Variants in DLGAP1 observed in about 807,000 individuals in gnomAD.
DLGAP1 encodes the protein disks large-associated protein 1.
DLGAP1 carries 11 observed loss-of-function variants against 90.8 expected under a neutral mutation model. The ratio of observed to expected loss-of-function variants is 0.12; its 90% CI spans 0.08 to 0.20. The LOEUF (loss-of-function observed/expected upper bound fraction) is 0.20, where lower values mean the gene tolerates loss of function less well. Among genes scored for constraint, DLGAP1 ranks in the 10% least tolerant of loss-of-function variants. The pLI is 1.00. For synonymous variants in DLGAP1, 558 were observed against 540.7 expected (o/e 1.03, Z -0.44); for missense variants, 1,050 against 1,333.8 (o/e 0.79, Z 3.31).
rs143074593 is a variant in DLGAP1, at chr18:4,206,295, C to T, written c.-266-55008G>A. 7.2e-4 allele frequency among the ~76,000 whole-genome samples: 109 copies of T among 152,124 alleles called. 6 individuals are homozygous for T. The highest frequency in any genetic ancestry group is 5.8e-3 in the East Asian group (30 of 5,170). On this transcript the variant is annotated intron_variant, in intron 1 of 12. Coordinates refer to ENST00000315677, the MANE Select transcript of DLGAP1 (RefSeq NM_004746.4). ...AAGCATTGTGAGTTTCTCATGATTCCGGAAGTTTTTAAGCTAGGTTAAACA... is the reference window on the plus strand; with the variant it reads ...AAGCATTGTGAGTTTCTCATGATTCTGGAAGTTTTTAAGCTAGGTTAAACA...
intron 1 of DLGAP1, among the ~76,000 whole-genome samples, chr18:4,201,159 G>A (rs553443071): frequency 2.6e-5 from 4 of 152,000 alleles, no homozygotes; most frequent in South Asian, 2.1e-4. Context: ...GTTCAGTCCC[G>A]TTTATTTATT....
chr18:3,710,827 C>G (rs544931084), intron 7 of DLGAP1, among the ~76,000 whole-genome samples: 66 of 152,104 alleles, frequency 4.3e-4, no homozygotes, highest in Non-Finnish European at 9.4e-4. Context: ...ACTCCAGGCA[C>G]GGGTGTAGGG....
chr18:3,644,233 A>G (rs2146349654), intron 7 of DLGAP1, among the ~76,000 whole-genome samples: 1 of 152,258 alleles, frequency 6.6e-6, no homozygotes, highest in Admixed American at 6.5e-5. Context: ...CAGGACATGT[A>G]CTAGGGGTTG....
chr18:3,640,513 C>A (rs1432368412), intron 7 of DLGAP1, among the ~76,000 whole-genome samples: 1 of 152,198 alleles, frequency 6.6e-6, no homozygotes, highest in Non-Finnish European at 1.5e-5. Context: ...AACAAAGCTC[C>A]CAAACTGAGG....
intron 8 of DLGAP1, among the ~76,000 whole-genome samples, chr18:3,574,959 C>T (rs71358017): frequency 6.6e-6 from 1 of 151,500 alleles, no homozygotes; most frequent in East Asian, 2.0e-4. Context: ...GGACTACAGG[C>T]GCCCGCCACC....
chr18:3,918,583 A>G (rs1391972148), intron 3 of DLGAP1, among the ~76,000 whole-genome samples: 1 of 152,196 alleles, frequency 6.6e-6, no homozygotes, highest in East Asian at 1.9e-4. Context: ...TCCCTGGAAA[A>G]GCCATTAAAT....
intron 1 of DLGAP1, among the ~76,000 whole-genome samples, chr18:4,309,924 G>A (rs1481941244): frequency 1.3e-5 from 2 of 152,144 alleles, no homozygotes; most frequent in Non-Finnish European, 2.9e-5. Flanking sequence ...TCTAGAGAAG[G>A]GCCTGAGTAT....
intron 7 of DLGAP1, among the ~76,000 whole-genome samples, chr18:3,625,998 T>C (rs1341785583): frequency 6.6e-6 from 1 of 152,178 alleles, no homozygotes; most frequent in Non-Finnish European, 1.5e-5. Context: ...CCTAGGTTTG[T>C]GGGAGATGAA....
intron 10 of DLGAP1, among the ~76,000 whole-genome samples, chr18:3,527,410 C>CTGTTTTTTTTTTTTTTTTT (rs1555668846): frequency 9.9e-6 from 1 of 100,684 alleles, no homozygotes; most frequent in Non-Finnish European, 1.9e-5. Flanking sequence ...ATTTTCCAAA[C>CTGTTTTTTTTTTTTTTTTT]TTTTTTTTTT....
intron 10 of DLGAP1, among the ~76,000 whole-genome samples, chr18:3,516,190 G>A (rs993824818): frequency 6.6e-6 from 1 of 152,006 alleles, no homozygotes; most frequent in East Asian, 1.9e-4. Flanking sequence ...ATGGCGTCTA[G>A]AATGGTGATT....
intron 1 of DLGAP1, among the ~76,000 whole-genome samples, chr18:4,412,469 A>G (rs1357183339): frequency 6.6e-6 from 1 of 152,210 alleles, no homozygotes; most frequent in Non-Finnish European, 1.5e-5. Context: ...ATCCAGCTGG[A>G]TAAGTGCTGG....
At chr18:4,031,802 T>C (rs942656513) in intron 2 of DLGAP1, among the ~76,000 whole-genome samples, 1 of 152,224 alleles carries the variant, frequency 6.6e-6, no homozygotes, top group Non-Finnish European at 1.5e-5. Context: ...AAATGATTCA[T>C]AAATTACTGA....
intron 4 of DLGAP1, among the ~76,000 whole-genome samples, chr18:3,831,410 A>G (rs758382461): frequency 6.6e-6 from 1 of 152,126 alleles, no homozygotes. Context: ...CAGTCCTTAG[A>G]AATGTTCTGT....
At chr18:3,523,398 A>T (rs962133982) in intron 10 of DLGAP1, among the ~76,000 whole-genome samples, 1 of 151,966 alleles carries the variant, frequency 6.6e-6, no homozygotes, top group African/African-American at 2.4e-5. Context: ...AAAATTAAAA[A>T]AAATAAAAAT....
In DLGAP1 at chr18:3,582,251, G is replaced by A. The variant is rs1393824356; in HGVS notation, c.1592-3C>T. The stretch of plus-strand genomic sequence containing the variant: ...ATATGTTGTAATGCAAGATGACACT[G>A]GAAGACAGTGAAAACAAAGACAATG... On this transcript the variant is annotated splice_polypyrimidine_tract_variant and splice_region_variant and intron_variant, in intron 7 of 12. Coordinates refer to ENST00000315677, the MANE Select transcript of DLGAP1 (RefSeq NM_004746.4). 2 of 1,604,970 alleles carry A rather than the reference G, an allele frequency of 1.2e-6. No homozygotes were observed. The highest frequency in any genetic ancestry group is 2.2e-5 in the South Asian group (2 of 90,922).
chr18:3,761,408 G>A (rs1310318450), intron 5 of DLGAP1, among the ~76,000 whole-genome samples: 2 of 152,058 alleles, frequency 1.3e-5, no homozygotes, highest in African/African-American at 2.4e-5. Flanking sequence ...CCACAATGTC[G>A]AGTGTGACAG....
chr18:3,669,616 G>A (rs117836086), intron 7 of DLGAP1, among the ~76,000 whole-genome samples: 74 of 152,342 alleles, frequency 4.9e-4, no homozygotes, highest in Non-Finnish European at 9.3e-4. Context: ...CGGAATGAGG[G>A]AGAGTTGGTC....
chr18:3,732,520 T>C (rs8086926), intron 6 of DLGAP1, among the ~76,000 whole-genome samples: 12,833 of 152,286 alleles, frequency 0.084, 1,724 homozygotes, highest in African/African-American at 0.28. Context: ...ATTTTCAAGA[T>C]AAATTTGTTC....
At chr18:4,255,510 AAT>A (rs1555772774) in intron 1 of DLGAP1, among the ~76,000 whole-genome samples, 3,345 of 149,374 alleles carry the variant, frequency 0.022, 136 homozygotes, top group African/African-American at 0.078. Context: ...TGAAAAAAAA[AAT>A]ATATATATAT....
Sources: allele counts gnomAD v4.1 joint callset (sites outside exome capture counted in the v4.1 genomes callset), GRCh38; gene constraint gnomAD v4.1.1; transcripts MANE v1.5; gene names NCBI Gene and HGNC (gene_info 2026-07-23, HGNC 2026-07-21).